The following DARS1 variants were observed in gnomAD, a reference collection of about 807,000 sequenced individuals.
DARS1 encodes aspartate--tRNA ligase, cytoplasmic.
A neutral mutation model predicts 68.8 loss-of-function variants in DARS1; 51 were observed. The ratio of observed to expected loss-of-function variants is 0.74; its 90% confidence interval spans 0.59 to 0.94. The LOEUF is 0.94. Ranked by LOEUF, DARS1 falls within the 40% of genes least tolerant of loss-of-function variation. The pLI is 0.00. For missense variants in DARS1, 607 were observed against 597.3 expected (o/e 1.02, Z -0.17); for synonymous variants, 203 against 190.4 (o/e 1.07, Z -0.55).
chr2:135,920,638 ATTTCAAT>A, intron 9 of DARS1, 38 bp from the exon 10 acceptor site: 1 of 1,521,692 alleles, frequency 6.6e-7, no homozygotes, highest in East Asian at 2.4e-5. Context: ...GCAAACACTG[ATTTCAAT>A]TTTGGATAAA....
chr2:135,979,256 T>A lies in DARS1; in HGVS notation c.217+18A>T. ...GGAGTCCTTACCGAAAGAGCTTTAA[T>A]AATGAAACCAATCCTACCTTTAGCT... On this transcript the variant is annotated intron_variant, in intron 3 of 15. Transcript: ENST00000264161. 9.6e-7 allele frequency: 1 copy of A among 1,044,748 alleles called. No individual in the cohort carries two copies. Among genetic ancestry groups the A allele is most frequent in the Non-Finnish European group, 1.5e-6 (1 of 664,114 alleles). 64.7% of individuals were successfully genotyped at this position (1,044,748 alleles called of 1,614,324 possible).
intron 10 of DARS1, among the ~76,000 whole-genome samples, chr2:135,917,430 T>G (rs1182212398): frequency 6.6e-6 from 1 of 152,216 alleles, no homozygotes; most frequent in East Asian, 1.9e-4. Flanking sequence ...AAAGTATGTT[T>G]GTATTTTATA....
chr2:135,983,527 TAATAG>T (rs1682688261), intron 1 of DARS1, 73 bp from the exon 2 acceptor site: 1 of 605,736 alleles, frequency 1.7e-6, no homozygotes, highest in African/African-American at 1.9e-5. Context: ...TAAATACTAA[TAATAG>T]AATATAAAAA....
At chr2:135,944,040 A>G (rs1181232341) in intron 4 of DARS1, among the ~76,000 whole-genome samples, 1 of 152,066 alleles carries the variant, frequency 6.6e-6, no homozygotes. Context: ...CCCATTTAAA[A>G]GGGTGCCTAT....
At chr2:135,961,602 T>C in intron 3 of DARS1, 104 bp from the exon 4 acceptor site, 1 of 730,320 alleles carries the variant, frequency 1.4e-6, no homozygotes, top group Non-Finnish European at 2.4e-6. Context: ...AAATTTACTA[T>C]ACTCATCAGG....
intron 3 of DARS1, among the ~76,000 whole-genome samples, chr2:135,978,358 G>A (rs1029665109): frequency 3.3e-5 from 5 of 152,042 alleles, no homozygotes; most frequent in African/African-American, 9.7e-5. Flanking sequence ...CTAAAGAGAC[G>A]GAGATGTCTT....
chr2:135,915,630 C>T (rs929255502), intron 11 of DARS1, among the ~76,000 whole-genome samples: 3 of 151,924 alleles, frequency 2.0e-5, no homozygotes, highest in South Asian at 2.1e-4. Context: ...AATTATAAGT[C>T]GTATGATCTA....
At chr2:135,920,327 A>T in intron 10 of DARS1, 126 bp downstream of exon 10, 3 of 1,374,528 alleles carry the variant, frequency 2.2e-6, no homozygotes, top group Non-Finnish European at 2.9e-6. Flanking sequence ...GGATCATCTA[A>T]CTGGTAAATC....
At chr2:135,979,607 C>T (rs1457117240) in intron 2 of DARS1, among the ~76,000 whole-genome samples, 4 of 152,180 alleles carry the variant, frequency 2.6e-5, no homozygotes, top group East Asian at 3.8e-4. Flanking sequence ...TCTTCACTGC[C>T]GCCATACTAA....
rs1417085117 is a variant in DARS1 at position 135,947,346 on chromosome 2, T to C, written c.321-3866A>G. On this transcript the variant is annotated intron_variant, in intron 4 of 15. Transcript: ENST00000264161. ...TTGCTTGAACCCAGGAGACAGAGGTTACAGTGAGCAGAGATCGTGCCACTG... is the reference window on the plus strand; with the variant it reads ...TTGCTTGAACCCAGGAGACAGAGGTCACAGTGAGCAGAGATCGTGCCACTG... 2.7e-5 allele frequency among the ~76,000 whole-genome samples: 4 copies of C among 150,082 alleles called. No individual in the cohort carries two copies. The East Asian group carries it at 5.9e-4, about 22-fold the overall frequency.
chr2:135,965,101 T>C (rs534328695), intron 3 of DARS1, among the ~76,000 whole-genome samples: 6 of 152,124 alleles, frequency 3.9e-5, no homozygotes, highest in Admixed American at 2.6e-4. Flanking sequence ...CCGTATTAGA[T>C]AAAGGAGATC....
At chr2:135,934,118 C>A in intron 5 of DARS1, 128 bp from the exon 6 acceptor site, 1 of 1,394,044 alleles carries the variant, frequency 7.2e-7, no homozygotes, top group South Asian at 1.7e-5. Flanking sequence ...AAACTACTTG[C>A]TGAAATCAAA....
Position 135,922,775 on chromosome 2 carries a change from A to G in DARS1, c.811+9T>C, listed in dbSNP as rs754723742. ...TAACTTGGATAAAACATAACTGCCAAAATCTTACCTGGTCCAATAGAGAAA... is the reference window on the plus strand; with the variant it reads ...TAACTTGGATAAAACATAACTGCCAGAATCTTACCTGGTCCAATAGAGAAA... On this transcript the variant is annotated intron_variant, in intron 9 of 15. Transcript: ENST00000264161. The G allele has an allele frequency of 8.5e-6, 13 of 1,529,592 alleles. No individual in the cohort carries two copies. Among genetic ancestry groups the G allele is most frequent in the Non-Finnish European group, 7.9e-6 (9 of 1,146,226 alleles). 94.8% of individuals were successfully genotyped at this position (1,529,592 alleles called of 1,614,324 possible).
intron 15 of DARS1, 135 bp downstream of exon 15, chr2:135,911,004 G>A (rs899402326): frequency 5.1e-6 from 3 of 583,510 alleles, no homozygotes; most frequent in Non-Finnish European, 9.2e-6. Flanking sequence ...TAACACACAA[G>A]TTAGCTGTTT....
intron 5 of DARS1, among the ~76,000 whole-genome samples, chr2:135,934,705 A>T (rs2104811577): frequency 6.6e-6 from 1 of 152,310 alleles, no homozygotes; most frequent in Admixed American, 6.5e-5. Context: ...GCTTCAATTA[A>T]AATAAAGCCT....
At chr2:135,948,602 T>C (rs1193120693) in intron 4 of DARS1, among the ~76,000 whole-genome samples, 1 of 152,196 alleles carries the variant, frequency 6.6e-6, no homozygotes, top group African/African-American at 2.4e-5. Context: ...CAGTGGCTCA[T>C]GCCTGTAATC....
chr2:135,938,522 G>A (rs1681521037), intron 5 of DARS1, among the ~76,000 whole-genome samples: 1 of 152,144 alleles, frequency 6.6e-6, no homozygotes, highest in Non-Finnish European at 1.5e-5. Flanking sequence ...GTCCAGCTTT[G>A]TTGCGTTGCT....
intron 4 of DARS1, among the ~76,000 whole-genome samples, chr2:135,957,609 A>AT (rs1558793969): frequency 6.6e-6 from 1 of 152,072 alleles, no homozygotes; most frequent in African/African-American, 2.4e-5. Context: ...TGAACGGCCC[A>AT]TTTTGGCCTC....
At chr2:135,954,886 C>G (rs1681931992) in intron 4 of DARS1, among the ~76,000 whole-genome samples, 1 of 152,012 alleles carries the variant, frequency 6.6e-6, no homozygotes, top group African/African-American at 2.4e-5. Context: ...ATAACCTTTA[C>G]ACTAATAGTG....
Sources: gnomAD v4.1 joint callset for allele counts (sites outside exome capture counted in the v4.1 genomes callset) on GRCh38, gnomAD v4.1.1 for gene constraint, MANE v1.5 for transcripts, NCBI Gene and HGNC (gene_info 2026-07-23, HGNC 2026-07-21) for gene names.